CXADR: variants seen among roughly 807,000 people sequenced by gnomAD.
CXADR encodes the protein coxsackievirus and adenovirus receptor.
CXADR carries 20 observed loss-of-function variants against 40.3 expected under a neutral mutation model. That is an observed-to-expected ratio of 0.50 (90% CI 0.35 to 0.72). The LOEUF (loss-of-function observed/expected upper bound fraction) is 0.72. Ranked by LOEUF, CXADR falls within the 30% of genes least tolerant of loss-of-function variation. CXADR has a pLI of 0.01. For synonymous variants in CXADR, 150 were observed against 161.3 expected, an observed-to-expected ratio of 0.93 and a Z score of 0.53; for missense variants, 332 against 449.1, an observed-to-expected ratio of 0.74 and a Z score of 2.36.
Position 17,560,918 on chromosome 21 carries a change from G to T in CXADR, c.694+94G>T, listed in dbSNP as rs2824358. On this transcript the variant is annotated intron_variant, in intron 5 of 6. Coordinates refer to ENST00000284878, the MANE Select transcript of CXADR (RefSeq NM_001338.5). Reference sequence around the variant, plus strand: ...AGCAAGTGTGTATTAAGGACAAAGGGACACTGACTTTGATCAGAACACTGT... The same window carrying T: ...AGCAAGTGTGTATTAAGGACAAAGGTACACTGACTTTGATCAGAACACTGT... 6.7e-3 allele frequency: 10,215 copies of T among 1,520,300 alleles called. 600 individuals are homozygous for T. The African/African-American group carries it at 0.13, about 19-fold the overall frequency. 94.2% of individuals were successfully genotyped at this position (1,520,300 alleles called of 1,614,324 possible).
the CXADR span, chr21:17,608,929 C>T: frequency 5.7e-6 from 9 of 1,581,876 alleles, no homozygotes; most frequent in Non-Finnish European, 7.7e-6. Flanking sequence ...GAACCCACCT[C>T]AGGGGTTGAT....
chr21:17,587,134 A>G (rs565406623), intron 7 of CXADR, among the ~76,000 whole-genome samples: 44 of 152,228 alleles, frequency 2.9e-4, no homozygotes, highest in Non-Finnish European at 5.0e-4. Flanking sequence ...AATCCAGTCT[A>G]TCATTGTTGG....
At chr21:17,587,516 C>T (rs1303194818) in intron 7 of CXADR, among the ~76,000 whole-genome samples, 1 of 152,058 alleles carries the variant, frequency 6.6e-6, no homozygotes, top group Non-Finnish European at 1.5e-5. Flanking sequence ...TTTCATGTGT[C>T]TTTTGGCTGC....
intron 6 of CXADR, among the ~76,000 whole-genome samples, chr21:17,565,167 A>C (rs1331744807): frequency 6.6e-6 from 1 of 152,212 alleles, no homozygotes; most frequent in Non-Finnish European, 1.5e-5. Context: ...AATCATCTAC[A>C]TTTGTGTAAA....
chr21:17,611,181 G>T, the CXADR span, among the ~76,000 whole-genome samples: 1 of 152,142 alleles, frequency 6.6e-6, no homozygotes, highest in Non-Finnish European at 1.5e-5. Flanking sequence ...ACCACGATAC[G>T]ATGGAAAAGA....
downstream of CXADR, among the ~76,000 whole-genome samples, chr21:17,595,003 TA>T (rs533634736): frequency 8.4e-3 from 1,179 of 139,896 alleles, 3 homozygotes; most frequent in African/African-American, 0.011. Flanking sequence ...AAATAAAAGT[TA>T]AAAAAAAAAA....
chr21:17,564,769 C>T (rs916721965), intron 6 of CXADR, among the ~76,000 whole-genome samples: 1 of 152,176 alleles, frequency 6.6e-6, no homozygotes, highest in African/African-American at 2.4e-5. Context: ...GAGTCTCACT[C>T]TGGCGCCCAG....
rs187629070 is a variant in CXADR, at chr21:17,590,024, T to G, written c.1018-3128T>G. Among the ~76,000 whole-genome samples, 1,052 of 152,224 alleles carry G rather than the reference T, an allele frequency of 6.9e-3. 5 individuals carry two copies. The highest frequency in any genetic ancestry group is 0.013 in the Admixed American group (202 of 15,258). ...GAAATGATCCATTAAACCTCTAGTC[T>G]AGATAGAAATGTGTTTCACCCATAT... is the stretch of plus-strand genomic sequence containing the variant. On this transcript the variant is annotated intron_variant, in intron 7 of 7. Coordinates refer to the CXADR transcript ENST00000400169.
In CXADR at chr21:17,567,636, T is replaced by C. The variant is rs2061227852; in HGVS notation, c.*1944T>C. On this transcript the variant is annotated 3_prime_UTR_variant, in exon 7 of 7. Transcript: ENST00000284878. The stretch of plus-strand genomic sequence containing the variant: ...AGAAATTTCAATATTCCCAACACTC[T>C]ATGTTTCTGATTTTATAACAGTAGC... 1.6e-5 allele frequency: 16 copies of C among 983,260 alleles called. No homozygotes were observed. The highest frequency in any genetic ancestry group is 1.4e-4 in the South Asian group (3 of 21,232). 60.9% of individuals were successfully genotyped at this position (983,260 alleles called of 1,614,324 possible). A position where few individuals can be genotyped will look rare whatever the true frequency, so the allele number is the denominator to read the frequency against.
Position 17,552,014 on chromosome 21 carries a change from T to G in CXADR, c.415+61T>G, listed in dbSNP as rs1478128262. 1.5e-5 allele frequency: 19 copies of G among 1,245,812 alleles called. No individual in the cohort carries two copies. In the Admixed American group the frequency reaches 3.1e-4, roughly 20 times the overall value. The allele number at this position is 1,245,812 out of a possible 1,614,324, so 77.2% of individuals were successfully genotyped here. On this transcript the variant is annotated intron_variant, in intron 3 of 6. Transcript: ENST00000284878. Reference sequence around the variant, plus strand: ...GTAAGAGAATGATTAGTCATAGTACTGTAGTAGCAGCACTTGTATAAAATA... The same window carrying G: ...GTAAGAGAATGATTAGTCATAGTACGGTAGTAGCAGCACTTGTATAAAATA...
chr21:17,605,452 A>AT, the CXADR span, among the ~76,000 whole-genome samples: 1 of 152,230 alleles, frequency 6.6e-6, no homozygotes, highest in Non-Finnish European at 1.5e-5. Flanking sequence ...TATATCTCAG[A>AT]TAGTAAAGTG....
the CXADR span, among the ~76,000 whole-genome samples, chr21:17,629,160 A>G: frequency 1.3e-5 from 2 of 152,186 alleles, no homozygotes; most frequent in African/African-American, 4.8e-5. Context: ...TGGGCCGATC[A>G]CTTGAAGCCA....
chr21:17,608,782 T>C, the CXADR span: 1 of 518,244 alleles, frequency 1.9e-6, no homozygotes, highest in African/African-American at 2.0e-5. Context: ...GTCCAGGCAG[T>C]GGGACTCCAC....
At chr21:17,513,492 C>A (rs540985532) in intron 1 of CXADR, among the ~76,000 whole-genome samples, 9 of 152,350 alleles carry the variant, frequency 5.9e-5, no homozygotes, top group African/African-American at 2.2e-4. Flanking sequence ...TGCCCCGGTG[C>A]GGGCTTGCCT....
chr21:17,557,423 T>G (rs946820547), intron 3 of CXADR, among the ~76,000 whole-genome samples: 15 of 152,218 alleles, frequency 9.9e-5, no homozygotes, highest in Non-Finnish European at 2.1e-4. Context: ...GGCTACTTCC[T>G]TACAACCTCC....
In CXADR at chr21:17,568,995, T is replaced by A; in HGVS notation, c.*3303T>A. On this transcript the variant is annotated 3_prime_UTR_variant, in exon 7 of 7. Coordinates refer to ENST00000284878, the MANE Select transcript of CXADR (RefSeq NM_001338.5). ...AGATACCTGATTTTTATTAAAAAGA[T>A]ACTTTTTCAAATTTAAGAGTTAATC... 1.0e-6 allele frequency: 1 copy of A among 983,962 alleles called. No homozygotes were observed. The highest frequency in any genetic ancestry group is 1.2e-6 in the Non-Finnish European group (1 of 828,624). The allele number at this position is 983,962 out of a possible 1,614,324, so 61.0% of individuals were successfully genotyped here. A position where few individuals can be genotyped will look rare whatever the true frequency, so the allele number is the denominator to read the frequency against.
chr21:17,539,587 A>G (rs1465547355), intron 1 of CXADR, among the ~76,000 whole-genome samples: 1 of 152,168 alleles, frequency 6.6e-6, no homozygotes, highest in African/African-American at 2.4e-5. Context: ...ATTGTCTGTA[A>G]TGCCTGTTCC....
exon 8 of CXADR, chr21:17,593,234 C>T: frequency 1.5e-6 from 2 of 1,371,498 alleles, no homozygotes; most frequent in Non-Finnish European, 1.9e-6. Context: ...TATTATTTGA[C>T]TTTATTTTAG....
At chr21:17,587,793 A>G (rs1322977685) in intron 7 of CXADR, among the ~76,000 whole-genome samples, 6 of 152,120 alleles carry the variant, frequency 3.9e-5, no homozygotes, top group Non-Finnish European at 7.4e-5. Context: ...TTGGTGTTTT[A>G]GACATGAAGT....
Sources: gnomAD v4.1 joint callset for allele counts (sites outside exome capture counted in the v4.1 genomes callset) on GRCh38, gnomAD v4.1.1 for gene constraint, MANE v1.5 for transcripts, NCBI Gene and HGNC (gene_info 2026-07-23, HGNC 2026-07-21) for gene names.